AFG2A: variants seen among roughly 807,000 people sequenced by gnomAD.
The protein encoded by AFG2A is ATPase family gene 2 protein homolog A.
At chr4:123,112,003 G>A in the AFG2A span, among the ~76,000 whole-genome samples, 1 of 152,126 alleles carries the variant, frequency 6.6e-6, no homozygotes, top group African/African-American at 2.4e-5. Flanking sequence ...GATTACAGGT[G>A]TGAGCCACCG....
the AFG2A span, among the ~76,000 whole-genome samples, chr4:122,944,530 C>G: frequency 2.0e-5 from 3 of 152,172 alleles, no homozygotes; most frequent in Non-Finnish European, 4.4e-5. Context: ...TCTAGTTATA[C>G]ATTCGCCTAA....
chr4:123,264,488 T>C, the AFG2A span, among the ~76,000 whole-genome samples: 24 of 152,222 alleles, frequency 1.6e-4, no homozygotes, highest in Non-Finnish European at 2.8e-4. Flanking sequence ...CCATATTATG[T>C]AACTTTGAAT....
the AFG2A span, among the ~76,000 whole-genome samples, chr4:123,071,793 T>C: frequency 6.6e-6 from 1 of 152,224 alleles, no homozygotes; most frequent in South Asian, 2.1e-4. Flanking sequence ...TAATCTAAAA[T>C]CTAGTTTATC....
the AFG2A span, chr4:122,947,250 A>C: frequency 6.2e-7 from 1 of 1,602,848 alleles, no homozygotes; most frequent in Non-Finnish European, 8.5e-7. Context: ...GTGAAGGACA[A>C]GTGTTGGTTC....
the AFG2A span, among the ~76,000 whole-genome samples, chr4:123,124,544 G>A: frequency 8.1e-3 from 908 of 112,078 alleles, 9 homozygotes; most frequent in Non-Finnish European, 0.016. Flanking sequence ...TGTAAATGAC[G>A]AGTTAATGGG....
At chr4:123,244,985 T>C in the AFG2A span, among the ~76,000 whole-genome samples, 1 of 152,202 alleles carries the variant, frequency 6.6e-6, no homozygotes, top group Non-Finnish European at 1.5e-5. Flanking sequence ...TTAGGAGTAA[T>C]ATAGAGAAGA....
At chr4:123,231,772 G>T in the AFG2A span, among the ~76,000 whole-genome samples, 1 of 152,028 alleles carries the variant, frequency 6.6e-6, no homozygotes, top group East Asian at 1.9e-4. Flanking sequence ...CCATTGTAGG[G>T]TTATTCATTG....
the AFG2A span, among the ~76,000 whole-genome samples, chr4:123,030,469 A>C: frequency 6.6e-6 from 1 of 152,234 alleles, no homozygotes; most frequent in African/African-American, 2.4e-5. Context: ...GCTATATAAA[A>C]TAACCAGGCA....
the AFG2A span, among the ~76,000 whole-genome samples, chr4:123,114,948 G>T: frequency 3.3e-5 from 5 of 152,224 alleles, no homozygotes; most frequent in African/African-American, 9.6e-5. Flanking sequence ...GGGGCGCGAG[G>T]TTGAGGCTGC....
At chr4:122,980,173 A>T in the AFG2A span, among the ~76,000 whole-genome samples, 1 of 152,160 alleles carries the variant, frequency 6.6e-6, no homozygotes, top group Non-Finnish European at 1.5e-5. Context: ...CAGAACCTTT[A>T]TATAAATGGA....
chr4:122,928,234 A>G, the AFG2A span, among the ~76,000 whole-genome samples: 1 of 152,060 alleles, frequency 6.6e-6, no homozygotes, highest in Non-Finnish European at 1.5e-5. Flanking sequence ...TAAGAAGGTC[A>G]CCTGTTCTGT....
the AFG2A span, among the ~76,000 whole-genome samples, chr4:123,309,395 A>T: frequency 6.6e-6 from 1 of 152,212 alleles, no homozygotes; most frequent in Non-Finnish European, 1.5e-5. Context: ...AACCAGCTCC[A>T]TCAGGCTTCT....
chr4:123,242,602 G>C, the AFG2A span, among the ~76,000 whole-genome samples: 1 of 152,110 alleles, frequency 6.6e-6, no homozygotes, highest in Admixed American at 6.5e-5. Flanking sequence ...ATTAATTCAA[G>C]ATGTATTAAA....
the AFG2A span, among the ~76,000 whole-genome samples, chr4:123,180,240 C>T: frequency 1.3e-5 from 2 of 152,010 alleles, no homozygotes; most frequent in Non-Finnish European, 2.9e-5. Context: ...ACAACAACAA[C>T]AAAACTTAGT....
chr4:123,185,882 C>T, the AFG2A span, among the ~76,000 whole-genome samples: 1 of 151,110 alleles, frequency 6.6e-6, no homozygotes, highest in Non-Finnish European at 1.5e-5. Flanking sequence ...CAGAGCGAGA[C>T]TCCGTCTAAA....
At chr4:122,932,840 A>G in the AFG2A span, among the ~76,000 whole-genome samples, 1 of 152,222 alleles carries the variant, frequency 6.6e-6, no homozygotes, top group Non-Finnish European at 1.5e-5. Context: ...AACATACTGT[A>G]TAGGACTTAA....
chr4:123,074,402 A>T, the AFG2A span, among the ~76,000 whole-genome samples: 2 of 144,818 alleles, frequency 1.4e-5, no homozygotes. Context: ...TTTCCACTGG[A>T]TTACATATGT....
the AFG2A span, among the ~76,000 whole-genome samples, chr4:123,182,052 G>C: frequency 3.9e-5 from 6 of 152,130 alleles, no homozygotes; most frequent in South Asian, 2.1e-4. Flanking sequence ...CTGAAACTCT[G>C]AGTTTCTACT....
chr4:123,123,747 A>G, the AFG2A span, among the ~76,000 whole-genome samples: 1 of 151,758 alleles, frequency 6.6e-6, no homozygotes, highest in East Asian at 1.9e-4. Context: ...GGAGATCGAG[A>G]CCATCCTGGC....
Sources: allele counts gnomAD v4.1 joint callset (sites outside exome capture counted in the v4.1 genomes callset), GRCh38; gene constraint gnomAD v4.1.1; transcripts MANE v1.5; gene names NCBI Gene and HGNC (gene_info 2026-07-23, HGNC 2026-07-21).